STRADA: variants seen among roughly 807,000 people sequenced by gnomAD.
The protein encoded by STRADA is STE20 related adaptor alpha.
STRADA carries 26 observed loss-of-function variants against 55.0 expected under a neutral mutation model. The observed-to-expected ratio is 0.47, with a 90% CI of 0.35 to 0.66. The LOEUF (loss-of-function observed/expected upper bound fraction) is 0.66. Ranked by LOEUF, STRADA falls within the 30% of genes least tolerant of loss-of-function variation. STRADA has a pLI of 0.01. For missense variants in STRADA, 443 were observed against 549.7 expected, an observed-to-expected ratio of 0.81 and a Z score of 1.94; for synonymous variants, 197 against 210.9, an observed-to-expected ratio of 0.93 and a Z score of 0.57.
Position 63,709,660 on chromosome 17 carries a change from T to C in STRADA, c.581+831A>G, listed in dbSNP as rs115851144. On this transcript the variant is annotated intron_variant, in intron 8 of 12. Transcript: ENST00000336174. ...ACATGCCTCAGGTCACAAAAACATT[T>C]TCTCACATTTCCTTCTATTTAAGTC... Among the ~76,000 whole-genome samples, 1,078 of 152,336 alleles carry C rather than the reference T, an allele frequency of 7.1e-3. 16 individuals are homozygous for C. Among genetic ancestry groups the C allele is most frequent in the African/African-American group, 0.024 (1,017 of 41,572 alleles).
intron 1 of STRADA, among the ~76,000 whole-genome samples, chr17:63,731,316 G>GC (rs2038040215): frequency 7.2e-6 from 1 of 137,954 alleles, no homozygotes; most frequent in African/African-American, 2.8e-5. Flanking sequence ...AGGCTGGAGT[G>GC]CAGTGGCGTG....
chr17:63,704,798 G>T, intron 10 of STRADA: 1 of 1,534,816 alleles, frequency 6.5e-7, no homozygotes, highest in South Asian at 1.2e-5. Flanking sequence ...AACGTGAAAG[G>T]AGAGGGGTTG....
At chr17:63,717,281 A>G (rs1024762022) in intron 4 of STRADA, 4 of 152,168 alleles carry the variant, frequency 2.6e-5, no homozygotes, top group Non-Finnish European at 4.4e-5. Flanking sequence ...CTCAAAATAA[A>G]TTCTAGGATC....
Position 63,703,551 on chromosome 17 carries a change from G to GGTGGCCTCTGC in STRADA, c.*37_*47dup. Reference sequence around the variant, plus strand: ...GGCCGGCCCTCAGGAAGGGCCTCTGGGTGGCCTCTGCATCCCTGGCTGGAG... The same window carrying GGTGGCCTCTGC: ...GGCCGGCCCTCAGGAAGGGCCTCTGGGTGGCCTCTGCGTGGCCTCTGCATCCCTGGCTGGAG... On this transcript the variant is annotated 3_prime_UTR_variant, in exon 13 of 13. Transcript: ENST00000336174. 2 of 1,563,364 alleles carry GGTGGCCTCTGC rather than the reference G, an allele frequency of 1.3e-6. No individual in the cohort carries two copies. The highest frequency in any genetic ancestry group is 1.2e-5 in the South Asian group (1 of 86,002).
chr17:63,734,250 A>T (rs2038264245), intron 1 of STRADA, among the ~76,000 whole-genome samples: 1 of 152,218 alleles, frequency 6.6e-6, no homozygotes, highest in African/African-American at 2.4e-5. Context: ...AAAAGCTCTA[A>T]GAAACTTGTC....
chr17:63,720,494 G>C (rs1420097181), intron 4 of STRADA, among the ~76,000 whole-genome samples: 6 of 151,874 alleles, frequency 4.0e-5, no homozygotes, highest in Non-Finnish European at 8.8e-5. Context: ...AGTTCTGGGG[G>C]CTGGGCGAGG....
At chr17:63,711,645 G>T (rs2036505137) in intron 6 of STRADA, among the ~76,000 whole-genome samples, 2 of 150,656 alleles carry the variant, frequency 1.3e-5, no homozygotes, top group South Asian at 4.4e-4. Flanking sequence ...TATTATAAAA[G>T]AAAACATGGC....
chr17:63,722,410 A>C (rs1021164899), intron 4 of STRADA, among the ~76,000 whole-genome samples: 1 of 152,238 alleles, frequency 6.6e-6, no homozygotes, highest in Non-Finnish European at 1.5e-5. Context: ...AAAAATATAA[A>C]AATCCTATGT....
intron 1 of STRADA, among the ~76,000 whole-genome samples, chr17:63,736,042 A>C (rs142737665): frequency 1.5e-3 from 232 of 152,242 alleles, no homozygotes; most frequent in Middle Eastern, 3.4e-3. Context: ...CTTGGGTTCA[A>C]GGGATTCTCC....
intron 1 of STRADA, 52 bp from the exon 2 acceptor site, chr17:63,728,465 A>G: frequency 9.7e-7 from 1 of 1,031,988 alleles, no homozygotes. Flanking sequence ...CTTATAGAGA[A>G]ATATCTTCTG....
chr17:63,737,909 C>T (rs1369576658), intron 1 of STRADA, among the ~76,000 whole-genome samples: 11 of 151,990 alleles, frequency 7.2e-5, no homozygotes, highest in Admixed American at 7.2e-4. Flanking sequence ...ATCACTTGAG[C>T]TCCAGAGGTG....
chr17:63,718,457 T>C (rs1437069949), intron 4 of STRADA, among the ~76,000 whole-genome samples: 2 of 152,238 alleles, frequency 1.3e-5, no homozygotes, highest in African/African-American at 4.8e-5. Flanking sequence ...CTCAACCTTA[T>C]ATACGCCTAA....
intron 3 of STRADA, 165 bp from the exon 4 acceptor site, chr17:63,723,491 C>A: frequency 2.9e-6 from 2 of 681,172 alleles, no homozygotes; most frequent in Non-Finnish European, 2.6e-6. Context: ...ACACACAGAT[C>A]CACAGTAAAA....
chr17:63,726,964 T>C (rs182791809), intron 2 of STRADA: 2 of 472,246 alleles, frequency 4.2e-6, no homozygotes, highest in East Asian at 3.6e-5. Context: ...AAGACTGTTT[T>C]TGCCTTCCCT....
intron 8 of STRADA, among the ~76,000 whole-genome samples, chr17:63,709,568 T>C (rs1229494517): frequency 2.6e-5 from 4 of 152,240 alleles, no homozygotes; most frequent in Non-Finnish European, 4.4e-5. Flanking sequence ...AGAAATCTTC[T>C]TGATCTAATC....
At position 63,714,035 on chromosome 17, in the gene STRADA, C is replaced by T; in HGVS notation, c.197G>A (p.Gly66Glu). 1 of 1,614,026 alleles carries T rather than the reference C, an allele frequency of 6.2e-7. No individual in the cohort carries two copies. Among genetic ancestry groups the T allele is most frequent in the Non-Finnish European group, 8.5e-7 (1 of 1,179,944 alleles). Residue 66 changes from glycine to glutamate, a missense_variant, in exon 5 of 13, where the codon GGA becomes GAA. Transcript: ENST00000336174. ...QEVMSSFLPEGGCYELLTVIG... is the reference protein window; with the variant it reads ...QEVMSSFLPEEGCYELLTVIG... ...CACAGTGAGCAGCTCGTAACACCCT[C>T]CCTCTGGCAGAAAGCTACTCATGAC...
At chr17:63,738,356 A>G (rs908002086) in intron 1 of STRADA, among the ~76,000 whole-genome samples, 3 of 151,288 alleles carry the variant, frequency 2.0e-5, no homozygotes, top group East Asian at 1.9e-4. Flanking sequence ...AAAAAAAAAA[A>G]AGAGAAAAGA....
intron 4 of STRADA, among the ~76,000 whole-genome samples, chr17:63,719,311 T>C (rs2037124641): frequency 6.6e-6 from 1 of 152,180 alleles, no homozygotes; most frequent in Non-Finnish European, 1.5e-5. Context: ...ATGGCCTCAA[T>C]GAGAGGCAAC....
chr17:63,704,798 G>A, intron 10 of STRADA: 1 of 1,534,816 alleles, frequency 6.5e-7, no homozygotes, highest in Non-Finnish European at 8.7e-7. Context: ...AACGTGAAAG[G>A]AGAGGGGTTG....
Sources: gnomAD v4.1 joint callset for allele counts (sites outside exome capture counted in the v4.1 genomes callset) on GRCh38, gnomAD v4.1.1 for gene constraint, MANE v1.5 for transcripts, NCBI Gene and HGNC (gene_info 2026-07-23, HGNC 2026-07-21) for gene names.